Variants in RECQL observed in about 807,000 individuals in gnomAD.
The protein encoded by RECQL is RecQ like helicase.
A neutral mutation model predicts 75.8 loss-of-function variants in RECQL; 73 were observed. The observed-to-expected ratio is 0.96, with a 90% CI of 0.80 to 1.17. The LOEUF (loss-of-function observed/expected upper bound fraction) is 1.17, where lower values mean the gene tolerates loss of function less well. Ranked by LOEUF, RECQL falls within the 50% of genes most tolerant of loss-of-function variation. RECQL has a pLI of 0.00. For synonymous variants in RECQL, 248 were observed against 254.4 expected (o/e 0.97, Z 0.24); for missense variants, 699 against 772.1 (o/e 0.91, Z 1.12).
intron 11 of RECQL, among the ~76,000 whole-genome samples, chr12:21,474,145 A>G (rs996126004): frequency 1.4e-4 from 22 of 152,096 alleles, no homozygotes; most frequent in African/African-American, 5.1e-4. Context: ...ATAGTTTCTT[A>G]TATTTTAATA....
rs1942875788 is a variant in RECQL, at chr12:21,469,497, A to AT, written c.*696dup. On this transcript the variant is annotated 3_prime_UTR_variant, in exon 15 of 15. Coordinates refer to ENST00000444129, the MANE Select transcript of RECQL (RefSeq NM_002907.4). The stretch of plus-strand genomic sequence containing the variant: ...AAGATTGGACATCCCTGATCTACAT[A>AT]TTTAACTTAAAGTATCACTCAGTGA... 2 of 149,744 alleles carry AT rather than the reference A, an allele frequency of 1.3e-5. No homozygotes were observed. Among genetic ancestry groups the AT allele is most frequent in the Admixed American group, 1.3e-4 (2 of 14,900 alleles). 9.3% of individuals were successfully genotyped at this position (149,744 alleles called of 1,614,324 possible).
chr12:21,477,129 T>C, intron 7 of RECQL, 137 bp from the exon 8 acceptor site: 1 of 549,804 alleles, frequency 1.8e-6, no homozygotes. Flanking sequence ...ACTCACAGGA[T>C]TCAACCCATC....
chr12:21,474,784 C>T, intron 11 of RECQL, 57 bp downstream of exon 11: 1 of 1,525,006 alleles, frequency 6.6e-7, no homozygotes, highest in Non-Finnish European at 9.1e-7. Context: ...AAAACGATGT[C>T]ATATACTTTC....
chr12:21,470,980 T>A lies in RECQL; in HGVS notation c.1786A>T (p.Asn596Tyr). 6.5e-7 allele frequency: 1 copy of A among 1,548,192 alleles called. No homozygotes were observed. Among genetic ancestry groups the A allele is most frequent in the Non-Finnish European group, 8.7e-7 (1 of 1,154,228 alleles). Residue 596 changes from asparagine (N) to tyrosine (Y), a missense_variant, in exon 14 of 15, where the codon AAC becomes TAC. This residue lies in a region of RECQL where 669 missense variants were observed against 713.5 expected (regional missense o/e 0.94). Transcript: ENST00000444129. ...ITMQVTKSTQ[N>Y]SFRAESSQTC... is the part of the protein sequence containing the mutation. ...TAATAGCCATTTACCCTGAAAGAGT[T>A]CTGCGTGGACTTTGTCACTTGCATA...
chr12:21,495,848 A>G (rs979857958), intron 2 of RECQL, among the ~76,000 whole-genome samples: 18 of 152,198 alleles, frequency 1.2e-4, no homozygotes, highest in African/African-American at 4.3e-4. Context: ...GGCATGGGGC[A>G]GCAGCAGGTT....
At chr12:21,480,223 T>C (rs1268246641) in intron 6 of RECQL, among the ~76,000 whole-genome samples, 2 of 152,200 alleles carry the variant, frequency 1.3e-5, no homozygotes, top group African/African-American at 4.8e-5. Context: ...TGGGTTTTAT[T>C]CTAAGTACAC....
chr12:21,495,086 G>A (rs992756543), intron 2 of RECQL, among the ~76,000 whole-genome samples: 7 of 152,156 alleles, frequency 4.6e-5, no homozygotes, highest in Non-Finnish European at 2.9e-5. Context: ...AGAATAGAAA[G>A]CTCTGATTCT....
At chr12:21,473,784 A>G (rs909388263) in intron 11 of RECQL, 142 bp from the exon 12 acceptor site, 1 of 646,370 alleles carries the variant, frequency 1.5e-6, no homozygotes, top group Admixed American at 2.8e-5. Context: ...CTTTAAACAC[A>G]TTTATTCTTA....
intron 2 of RECQL, among the ~76,000 whole-genome samples, chr12:21,493,037 A>C (rs992188802): frequency 1.3e-5 from 2 of 152,162 alleles, no homozygotes; most frequent in African/African-American, 4.8e-5. Flanking sequence ...TGATCACATA[A>C]GTTTTAATCC....
In RECQL at chr12:21,474,913, G is replaced by A; in HGVS notation, c.1283C>T (p.Ser428Leu). 2.5e-6 allele frequency: 4 copies of A among 1,612,912 alleles called. No homozygotes were observed. Among genetic ancestry groups the A allele is most frequent in the Non-Finnish European group, 3.4e-6 (4 of 1,179,128 alleles). Residue 428 changes from serine to leucine, a missense_variant, in exon 11 of 15, where the codon TCA (serine) becomes TTA (leucine). By Grantham distance (145) the Ser-to-Leu change is moderately radical (BLOSUM62 -2). Coordinates refer to ENST00000444129, the MANE Select transcript of RECQL (RefSeq NM_002907.4). The stretch of plus-strand genomic sequence containing the variant: ...TCCCACATTTTCCATCACCACCATT[G>A]AACTTATTCTGAATATATCTCCAAA... ...YGFGDIFRIS[S>L]MVVMENVGQQ...
chr12:21,484,205 T>C (rs1383091778), intron 5 of RECQL, among the ~76,000 whole-genome samples: 1 of 152,006 alleles, frequency 6.6e-6, no homozygotes, highest in African/African-American at 2.4e-5. Flanking sequence ...CCTTCTAATC[T>C]AAAGAGGACC....
intron 2 of RECQL, among the ~76,000 whole-genome samples, chr12:21,492,459 C>T (rs17627228): frequency 0.013 from 1,933 of 152,302 alleles, 13 homozygotes; most frequent in Non-Finnish European, 0.02. Context: ...AATCAGTATA[C>T]AGGTTTAATG....
At chr12:21,493,546 G>A (rs1424216191) in intron 2 of RECQL, among the ~76,000 whole-genome samples, 1 of 152,210 alleles carries the variant, frequency 6.6e-6, no homozygotes, top group Non-Finnish European at 1.5e-5. Flanking sequence ...CCTGCAGATG[G>A]CTGAATTTCA....
chr12:21,491,675 C>T lies in RECQL; in HGVS notation c.58G>A (p.Ala20Thr), dbSNP rs1347927533. ...ELDSITSELH[A>T]VEIQIQELTE... ...AGTTCTTGAATTTGAATTTCTACTG[C>T]ATGTAGCTCACTGGTTATAGAATCC... The change falls in exon 3 of 15, where the codon GCA (alanine) becomes ACA (threonine). Residue 20 changes from alanine to threonine, a missense_variant. This residue lies in a region of RECQL where 669 missense variants were observed against 713.5 expected (regional missense o/e 0.94). Coordinates refer to ENST00000444129, the MANE Select transcript of RECQL (RefSeq NM_002907.4). 1.9e-6 allele frequency: 3 copies of T among 1,613,428 alleles called. No homozygotes were observed. Among genetic ancestry groups the T allele is most frequent in the Non-Finnish European group, 2.5e-6 (3 of 1,179,796 alleles).
At chr12:21,487,386 A>G (rs1433040650) in intron 4 of RECQL, among the ~76,000 whole-genome samples, 1 of 152,200 alleles carries the variant, frequency 6.6e-6, no homozygotes, top group Non-Finnish European at 1.5e-5. Context: ...TGCTGAGTAG[A>G]AATCAGTGAA....
At chr12:21,498,750 A>G (rs1456112780) in intron 2 of RECQL, among the ~76,000 whole-genome samples, 3 of 152,190 alleles carry the variant, frequency 2.0e-5, no homozygotes, top group Non-Finnish European at 4.4e-5. Flanking sequence ...CAAATATAGG[A>G]AACTACTAAG....
At chr12:21,487,859 CT>C (rs142199507) in intron 4 of RECQL, among the ~76,000 whole-genome samples, 4,546 of 152,266 alleles carry the variant, frequency 0.03, 96 homozygotes, top group Middle Eastern at 0.058. Context: ...GAAACACCCC[CT>C]CTCTAGACAC....
intron 12 of RECQL, among the ~76,000 whole-genome samples, chr12:21,472,990 G>A (rs1202201245): frequency 6.6e-6 from 1 of 152,068 alleles, no homozygotes; most frequent in Non-Finnish European, 1.5e-5. Flanking sequence ...AATATAAAAT[G>A]TGTGCATACA....
chr12:21,481,883 T>A (rs1246849062), intron 6 of RECQL, among the ~76,000 whole-genome samples: 1 of 151,936 alleles, frequency 6.6e-6, no homozygotes, highest in African/African-American at 2.4e-5. Flanking sequence ...ATATATAAAA[T>A]GTTACTGAAG....
Sources: gnomAD v4.1 joint callset for allele counts (sites outside exome capture counted in the v4.1 genomes callset) on GRCh38, gnomAD v4.1.1 for gene constraint, gnomAD v4.1.1 regional missense constraint, MANE v1.5 for transcripts, NCBI Gene and HGNC (gene_info 2026-07-23, HGNC 2026-07-21) for gene names.